The following ZFTRAF1 variants were observed in gnomAD, a reference collection of about 807,000 sequenced individuals.
The protein encoded by ZFTRAF1 is zinc finger TRAF-type-containing protein 1.
the ZFTRAF1 span, chr8:144,454,841 T>C: frequency 6.6e-6 from 1 of 152,278 alleles, no homozygotes; most frequent in Non-Finnish European, 1.5e-5. Context: ...CACCCCAAGC[T>C]AAGGAGCTGT....
chr8:144,458,137 T>A, the ZFTRAF1 span, among the ~76,000 whole-genome samples: 3 of 152,232 alleles, frequency 2.0e-5, no homozygotes, highest in South Asian at 6.2e-4. Flanking sequence ...ACTGGCACGT[T>A]GTCCAAGGCC....
the ZFTRAF1 span, chr8:144,453,392 C>T: frequency 8.1e-5 from 125 of 1,551,098 alleles, no homozygotes; most frequent in Non-Finnish European, 1.0e-4. Context: ...TGGCCTGCTC[C>T]TCCTTCAGCC....
At chr8:144,453,141 C>T in the ZFTRAF1 span, 1 of 1,297,416 alleles carries the variant, frequency 7.7e-7, no homozygotes, top group Admixed American at 2.1e-5. Context: ...GACCACCCTG[C>T]ACAGGGCCCT....
chr8:144,452,423 G>A, the ZFTRAF1 span: 2 of 1,550,112 alleles, frequency 1.3e-6, no homozygotes, highest in Admixed American at 2.0e-5. Context: ...GCATCTCCTT[G>A]CGGTGGCTCT....
the ZFTRAF1 span, among the ~76,000 whole-genome samples, chr8:144,461,848 G>A: frequency 6.6e-6 from 1 of 152,148 alleles, no homozygotes; most frequent in African/African-American, 2.4e-5. Flanking sequence ...CCGGAAGAAT[G>A]GGGAAGGAGC....
the ZFTRAF1 span, chr8:144,452,658 A>G: frequency 7.9e-7 from 1 of 1,272,230 alleles, no homozygotes. Flanking sequence ...CCATCCAGCT[A>G]AGAACCCCTT....
chr8:144,462,157 G>C, the ZFTRAF1 span: 1 of 370,620 alleles, frequency 2.7e-6, no homozygotes, highest in Non-Finnish European at 4.8e-6. Flanking sequence ...GGCTGTAAGG[G>C]CCAGAGAGGG....
At chr8:144,456,858 G>C in the ZFTRAF1 span, 1 of 149,858 alleles carries the variant, frequency 6.7e-6, no homozygotes, top group Non-Finnish European at 1.5e-5. Flanking sequence ...CATTGCAGGG[G>C]AATTGCATCA....
At chr8:144,450,228 C>T in the ZFTRAF1 span, 2 of 603,368 alleles carry the variant, frequency 3.3e-6, no homozygotes, top group Non-Finnish European at 6.0e-6. Flanking sequence ...CCGTCGCGCA[C>T]GCATGCAGAC....
chr8:144,461,991 A>C, the ZFTRAF1 span, among the ~76,000 whole-genome samples: 1 of 152,112 alleles, frequency 6.6e-6, no homozygotes, highest in East Asian at 1.9e-4. Context: ...TCTAGAAAAA[A>C]GAAGGGAGAG....
At chr8:144,461,010 G>A in the ZFTRAF1 span, among the ~76,000 whole-genome samples, 2 of 152,216 alleles carry the variant, frequency 1.3e-5, no homozygotes, top group Non-Finnish European at 2.9e-5. Flanking sequence ...CTAACTCTGG[G>A]AGCCAGTGGC....
the ZFTRAF1 span, chr8:144,450,702 T>C: frequency 1.4e-6 from 1 of 716,926 alleles, no homozygotes; most frequent in Non-Finnish European, 2.6e-6. Context: ...TTCAGCACTG[T>C]GAACCTGGGC....
chr8:144,453,212 C>A, the ZFTRAF1 span: 1 of 1,549,912 alleles, frequency 6.5e-7, no homozygotes, highest in South Asian at 1.2e-5. Context: ...AGCCCCTGAC[C>A]CTCAGTTACC....
At chr8:144,451,232 G>A in the ZFTRAF1 span, 1 of 169,230 alleles carries the variant, frequency 5.9e-6, no homozygotes, top group African/African-American at 2.4e-5. Context: ...CAGGTCTGCA[G>A]GCACCGGGCC....
the ZFTRAF1 span, chr8:144,450,243 C>T: frequency 1.6e-6 from 1 of 615,216 alleles, no homozygotes; most frequent in Non-Finnish European, 2.9e-6. Flanking sequence ...GCAGACTTGC[C>T]CTGTGTTGGC....
the ZFTRAF1 span, chr8:144,453,133 C>T: frequency 2.5e-6 from 3 of 1,217,874 alleles, no homozygotes; most frequent in Non-Finnish European, 3.5e-6. Context: ...GACAGCCAGA[C>T]CACCCTGCAC....
chr8:144,461,771 G>A, the ZFTRAF1 span, among the ~76,000 whole-genome samples: 1 of 152,222 alleles, frequency 6.6e-6, no homozygotes, highest in African/African-American at 2.4e-5. Flanking sequence ...CTTCCACCCA[G>A]GAGGGTAGAA....
the ZFTRAF1 span, among the ~76,000 whole-genome samples, chr8:144,458,134 C>T: frequency 1.3e-5 from 2 of 152,350 alleles, no homozygotes; most frequent in African/African-American, 2.4e-5. Flanking sequence ...GGGACTGGCA[C>T]GTTGTCCAAG....
chr8:144,453,170 C>A, the ZFTRAF1 span: 41 of 1,500,038 alleles, frequency 2.7e-5, no homozygotes, highest in East Asian at 1.0e-3. Flanking sequence ...AGGGTGGGCT[C>A]CCAGCAGTCC....
Sources: gnomAD v4.1 joint callset for allele counts (sites outside exome capture counted in the v4.1 genomes callset) on GRCh38, gnomAD v4.1.1 for gene constraint, MANE v1.5 for transcripts, NCBI Gene and HGNC (gene_info 2026-07-23, HGNC 2026-07-21) for gene names.